The following NAALADL2 variants were observed in gnomAD, a reference collection of about 807,000 sequenced individuals.
The protein encoded by NAALADL2 is inactive N-acetylated-alpha-linked acidic dipeptidase-like protein 2.
NAALADL2 carries 76 observed loss-of-function variants against 87.2 expected under a neutral mutation model. The observed-to-expected ratio is 0.87, with a 90% CI of 0.72 to 1.05. The LOEUF (loss-of-function observed/expected upper bound fraction) is 1.05, where lower values mean the gene tolerates loss of function less well. Among genes scored for constraint, NAALADL2 ranks in the 50% least tolerant of loss-of-function variants. The pLI is 0.00. For missense variants in NAALADL2, 1,089 were observed against 945.8 expected (o/e 1.15, Z -1.99); for synonymous variants, 354 against 331.0 (o/e 1.07, Z -0.75).
chr3:175,701,203 G>A (rs138820781), intron 11 of NAALADL2, among the ~76,000 whole-genome samples: 2 of 152,200 alleles, frequency 1.3e-5, no homozygotes, highest in African/African-American at 4.8e-5. Context: ...GCTGGAGGTG[G>A]GCTAACAAGA....
chr3:175,207,548 G>A (rs1342214970), intron 2 of NAALADL2, among the ~76,000 whole-genome samples: 1 of 151,954 alleles, frequency 6.6e-6, no homozygotes, highest in African/African-American at 2.4e-5. Flanking sequence ...CAGCAGTTCA[G>A]GTCATTACCC....
At chr3:175,268,871 G>A (rs1185711672) in intron 4 of NAALADL2, among the ~76,000 whole-genome samples, 1 of 151,878 alleles carries the variant, frequency 6.6e-6, no homozygotes, top group Admixed American at 6.6e-5. Flanking sequence ...CATCTCCTAT[G>A]ATAACAATAC....
intron 2 of NAALADL2, among the ~76,000 whole-genome samples, chr3:175,128,926 T>A (rs1727370356): frequency 6.6e-6 from 1 of 150,866 alleles, no homozygotes; most frequent in Non-Finnish European, 1.5e-5. Context: ...TAGTTACCAA[T>A]TTTTTTTTGT....
intron 11 of NAALADL2, among the ~76,000 whole-genome samples, chr3:175,703,750 T>A (rs537478884): frequency 1.1e-3 from 170 of 152,082 alleles, no homozygotes; most frequent in African/African-American, 3.7e-3. Context: ...CTCAAAAAAA[T>A]AAATAAATAA....
chr3:174,756,432 G>A (rs1352458684), intron 3 of NAALADL2, among the ~76,000 whole-genome samples: 2 of 151,842 alleles, frequency 1.3e-5, no homozygotes, highest in Non-Finnish European at 2.9e-5. Flanking sequence ...TCCATCTACT[G>A]GAATAATTAT....
intron 1 of NAALADL2, among the ~76,000 whole-genome samples, chr3:174,983,827 A>G (rs930831948): frequency 2.0e-5 from 3 of 152,196 alleles, no homozygotes; most frequent in African/African-American, 4.8e-5. Flanking sequence ...CTGGCTGACA[A>G]GTTGTTTACT....
intron 9 of NAALADL2, among the ~76,000 whole-genome samples, chr3:175,538,408 T>C (rs1711656700): frequency 6.6e-6 from 1 of 151,978 alleles, no homozygotes; most frequent in Admixed American, 6.6e-5. Context: ...ATTTCAGCTA[T>C]AAGGCAGGAA....
chr3:175,367,538 G>A (rs927470851), intron 5 of NAALADL2, among the ~76,000 whole-genome samples: 1 of 152,074 alleles, frequency 6.6e-6, no homozygotes, highest in Non-Finnish European at 1.5e-5. Context: ...ATTTCCTTGA[G>A]CAGTGGTTTG....
chr3:175,455,516 A>G (rs1722199232), intron 6 of NAALADL2, among the ~76,000 whole-genome samples: 1 of 152,086 alleles, frequency 6.6e-6, no homozygotes, highest in African/African-American at 2.4e-5. Flanking sequence ...ATTATTTAAA[A>G]TGTCTTCCTA....
At chr3:175,780,459 C>T (rs1269267920) in intron 13 of NAALADL2, among the ~76,000 whole-genome samples, 3 of 151,864 alleles carry the variant, frequency 2.0e-5, no homozygotes, top group African/African-American at 7.3e-5. Context: ...ACACATATCT[C>T]AAAAATGTAC....
intron 2 of NAALADL2, among the ~76,000 whole-genome samples, chr3:174,640,519 T>C (rs1215898681): frequency 1.3e-5 from 2 of 152,108 alleles, no homozygotes; most frequent in Non-Finnish European, 2.9e-5. Context: ...CCTTATAGGA[T>C]GGACTTCTGC....
intron 3 of NAALADL2, among the ~76,000 whole-genome samples, chr3:174,847,935 C>T (rs992475395): frequency 1.7e-4 from 25 of 151,482 alleles, no homozygotes; most frequent in African/African-American, 5.8e-4. Flanking sequence ...CTGTGGAGCA[C>T]ATATTTTTGA....
At chr3:175,056,832 A>T (rs1425795259) in intron 1 of NAALADL2, among the ~76,000 whole-genome samples, 1 of 152,216 alleles carries the variant, frequency 6.6e-6, no homozygotes, top group Non-Finnish European at 1.5e-5. Flanking sequence ...TTTGTGGTTT[A>T]AGAAAACCCG....
chr3:174,858,750 C>T (rs1034639094), upstream of NAALADL2, among the ~76,000 whole-genome samples: 2 of 151,862 alleles, frequency 1.3e-5, no homozygotes, highest in Non-Finnish European at 2.9e-5. Flanking sequence ...CAGTGTTTAG[C>T]ACAGCCATAC....
At chr3:175,629,152 A>G (rs1471891738) in intron 11 of NAALADL2, among the ~76,000 whole-genome samples, 1 of 148,546 alleles carries the variant, frequency 6.7e-6, no homozygotes, top group Non-Finnish European at 1.5e-5. Context: ...GGACATATAT[A>G]TCATATATAT....
chr3:174,878,918 C>T (rs755892267), intron 1 of NAALADL2, among the ~76,000 whole-genome samples: 2 of 152,070 alleles, frequency 1.3e-5, no homozygotes, highest in Non-Finnish European at 2.9e-5. Flanking sequence ...CGACGCCATG[C>T]AGGCCTTTAT....
At chr3:175,624,405 A>G (rs887587967) in intron 10 of NAALADL2, among the ~76,000 whole-genome samples, 1 of 152,086 alleles carries the variant, frequency 6.6e-6, no homozygotes, top group African/African-American at 2.4e-5. Flanking sequence ...ACTGCATGGA[A>G]TATTTAATAT....
In NAALADL2 at chr3:175,052,350, G is replaced by A. The variant is rs77408844; in HGVS notation, c.44-44440G>A. On this transcript the variant is annotated intron_variant, in intron 1 of 13. Transcript: ENST00000454872. Reference sequence around the variant, plus strand: ...GCTGCAGAGATTTTATTTATGGCAAGTTTTGGGGCCAGTTTATGGCCAGAT... The same window carrying A: ...GCTGCAGAGATTTTATTTATGGCAAATTTTGGGGCCAGTTTATGGCCAGAT... 2.6e-5 allele frequency among the ~76,000 whole-genome samples: 4 copies of A among 152,312 alleles called. No homozygotes were observed. The East Asian group carries it at 7.7e-4, about 29-fold the overall frequency.
At chr3:175,101,018 G>A (rs1054250088) in intron 2 of NAALADL2, among the ~76,000 whole-genome samples, 2 of 151,678 alleles carry the variant, frequency 1.3e-5, no homozygotes, top group African/African-American at 4.8e-5. Flanking sequence ...GCTGGAGGAG[G>A]GTATATTAGT....
Sources: gnomAD v4.1 joint callset for allele counts (sites outside exome capture counted in the v4.1 genomes callset) on GRCh38, gnomAD v4.1.1 for gene constraint, MANE v1.5 for transcripts, NCBI Gene and HGNC (gene_info 2026-07-23, HGNC 2026-07-21) for gene names.